Variants in ARHGEF3 observed in about 807,000 individuals in gnomAD.
ARHGEF3 encodes the protein Rho guanine nucleotide exchange factor 3.
ARHGEF3 carries 28 observed loss-of-function variants against 63.2 expected under a neutral mutation model. The observed-to-expected ratio is 0.44, with a 90% CI of 0.33 to 0.61. The LOEUF is 0.61. ARHGEF3 is among the 20% of genes least tolerant of loss of function. The probability of loss-of-function intolerance (pLI) is 0.03; values close to 1 mark genes in which losing one functional copy is unlikely to be tolerated. For missense variants in ARHGEF3, 533 were observed against 659.3 expected (o/e 0.81, Z 2.10); for synonymous variants, 266 against 254.2 (o/e 1.05, Z -0.44).
chr3:56,734,973 G>C (rs2107693699), intron 8 of ARHGEF3, among the ~76,000 whole-genome samples: 2 of 152,160 alleles, frequency 1.3e-5, no homozygotes, highest in Middle Eastern at 6.8e-3. Flanking sequence ...GGCTGAGATT[G>C]TCTGGGCAAC....
At chr3:56,857,887 C>T (rs1313706818) in intron 4 of ARHGEF3, among the ~76,000 whole-genome samples, 1 of 152,176 alleles carries the variant, frequency 6.6e-6, no homozygotes, top group African/African-American at 2.4e-5. Context: ...CTTTGCATAG[C>T]TGGGACTATA....
intron 7 of ARHGEF3, among the ~76,000 whole-genome samples, chr3:56,742,773 C>A (rs1051371286): frequency 2.0e-5 from 3 of 152,194 alleles, no homozygotes; most frequent in African/African-American, 7.2e-5. Flanking sequence ...CACAGATCTG[C>A]CTGAATAACT....
chr3:56,788,388 G>A (rs2036927173), intron 1 of ARHGEF3, among the ~76,000 whole-genome samples: 1 of 152,266 alleles, frequency 6.6e-6, no homozygotes, highest in Middle Eastern at 3.4e-3. Flanking sequence ...AGTTCCTTGA[G>A]GACAGAAAGC....
intron 1 of ARHGEF3, among the ~76,000 whole-genome samples, chr3:57,045,858 C>T (rs72874150): frequency 2.2e-3 from 331 of 152,280 alleles, no homozygotes; most frequent in African/African-American, 7.6e-3. Flanking sequence ...GATTTTCTGA[C>T]CTGATCCTGC....
At chr3:56,980,410 G>A (rs914105081) in intron 2 of ARHGEF3, among the ~76,000 whole-genome samples, 1 of 152,138 alleles carries the variant, frequency 6.6e-6, no homozygotes, top group African/African-American at 2.4e-5. Flanking sequence ...ATGGCTGTAT[G>A]GGGACTCAAA....
intron 4 of ARHGEF3, among the ~76,000 whole-genome samples, chr3:56,752,963 T>G (rs544163950): frequency 1.3e-5 from 2 of 152,048 alleles, no homozygotes; most frequent in South Asian, 2.1e-4. Flanking sequence ...AGCCATGGAG[T>G]TGGGGGGCTG....
intron 3 of ARHGEF3, among the ~76,000 whole-genome samples, chr3:56,906,708 C>T (rs1278964090): frequency 6.6e-6 from 1 of 151,692 alleles, no homozygotes; most frequent in African/African-American, 2.4e-5. Flanking sequence ...TGGTGGCAGG[C>T]CCCTGTAATC....
At chr3:56,935,079 G>T (rs1294550211) in intron 3 of ARHGEF3, among the ~76,000 whole-genome samples, 2 of 152,124 alleles carry the variant, frequency 1.3e-5, no homozygotes, top group Admixed American at 6.5e-5. Context: ...GAACCTTTAT[G>T]TCTAGCTCAG....
At chr3:56,834,743 T>A (rs9857185) in intron 4 of ARHGEF3, among the ~76,000 whole-genome samples, 1 of 138,562 alleles carries the variant, frequency 7.2e-6, no homozygotes, top group African/African-American at 2.7e-5. Flanking sequence ...AGACTCTGAC[T>A]TACAAAAAAA....
intron 1 of ARHGEF3, among the ~76,000 whole-genome samples, chr3:56,780,549 A>G (rs1215410328): frequency 6.6e-6 from 1 of 152,206 alleles, no homozygotes; most frequent in Non-Finnish European, 1.5e-5. Context: ...TTTTCCCACT[A>G]GTGTCCTTTT....
intron 2 of ARHGEF3, among the ~76,000 whole-genome samples, chr3:56,988,658 T>C (rs1701631150): frequency 6.6e-6 from 1 of 152,208 alleles, no homozygotes; most frequent in African/African-American, 2.4e-5. Flanking sequence ...GACTGGCCAG[T>C]GAATGCTCTG....
In ARHGEF3 at chr3:56,999,327, A is replaced by G. The variant is rs13325010; in HGVS notation, c.62+35761T>C. ...CGGCCTCCCAAAGTTCTGAGATTAC[A>G]AGCATGAGCCACCACACCCGGATGA... On this transcript the variant is annotated intron_variant, in intron 2 of 12. Coordinates refer to the ARHGEF3 transcript ENST00000338458. 3.0e-4 allele frequency among the ~76,000 whole-genome samples: 46 copies of G among 152,258 alleles called. 2 individuals are homozygous for G. The highest frequency in any genetic ancestry group is 6.8e-3 in the Middle Eastern group (2 of 294).
At chr3:56,830,591 G>C (rs2038899598) in intron 4 of ARHGEF3, among the ~76,000 whole-genome samples, 2 of 152,168 alleles carry the variant, frequency 1.3e-5, no homozygotes. Flanking sequence ...TCTCTTGCCT[G>C]AAACCTCCAC....
intron 2 of ARHGEF3, chr3:56,975,728 A>G: frequency 2.5e-6 from 1 of 399,390 alleles, no homozygotes; most frequent in African/African-American, 2.1e-5. Flanking sequence ...AGCAGCCACA[A>G]CAGAGGAAAG....
intron 2 of ARHGEF3, among the ~76,000 whole-genome samples, chr3:57,027,826 T>C (rs1703538914): frequency 6.6e-6 from 1 of 151,926 alleles, no homozygotes; most frequent in Non-Finnish European, 1.5e-5. Context: ...GCCATTGCAC[T>C]CCAGCCTGGG....
chr3:56,923,337 A>C lies in ARHGEF3; in HGVS notation c.129+35486T>G, dbSNP rs550648196. On this transcript the variant is annotated intron_variant, in intron 3 of 12. Transcript: ENST00000338458. ...AAAATATTTTTTAAAAGACAAAGGC[A>C]CAGTAATAATTTATTTTTTTTCAAA... Among the ~76,000 whole-genome samples, 217 of 150,132 alleles carry C rather than the reference A, an allele frequency of 1.4e-3. 1 individual carries two copies. The highest frequency in any genetic ancestry group is 5.0e-3 in the African/African-American group (208 of 41,318).
chr3:56,911,863 G>A (rs2108339038), intron 3 of ARHGEF3, among the ~76,000 whole-genome samples: 1 of 151,942 alleles, frequency 6.6e-6, no homozygotes, highest in Non-Finnish European at 1.5e-5. Flanking sequence ...AGCCCAAAAA[G>A]TGAAGGCTGC....
At chr3:56,771,297 A>T (rs1445312856) in intron 2 of ARHGEF3, among the ~76,000 whole-genome samples, 3 of 152,080 alleles carry the variant, frequency 2.0e-5, no homozygotes, top group African/African-American at 7.2e-5. Flanking sequence ...TTCTGAGGTG[A>T]GCAAATGTTT....
At chr3:56,760,059 T>C (rs567970133) in intron 2 of ARHGEF3, among the ~76,000 whole-genome samples, 2 of 152,300 alleles carry the variant, frequency 1.3e-5, no homozygotes, top group South Asian at 2.1e-4. Context: ...TTGTTTCCAG[T>C]GTCTGGCTAT....
Sources: allele counts gnomAD v4.1 joint callset (sites outside exome capture counted in the v4.1 genomes callset), GRCh38; gene constraint gnomAD v4.1.1; transcripts MANE v1.5; gene names NCBI Gene and HGNC (gene_info 2026-07-23, HGNC 2026-07-21).